Variants in SRRM3 observed in about 807,000 individuals in gnomAD.
SRRM3 encodes serine/arginine repetitive matrix 3.
A neutral mutation model predicts 66.2 loss-of-function variants in SRRM3; 27 were observed. The observed-to-expected ratio is 0.41, with a 90% CI of 0.30 to 0.56. The LOEUF is 0.56. Among genes scored for constraint, SRRM3 ranks in the 20% least tolerant of loss-of-function variants. SRRM3 has a pLI of 0.32. For synonymous variants in SRRM3, 391 were observed against 414.9 expected (o/e 0.94, Z 0.70); for missense variants, 918 against 991.9 (o/e 0.93, Z 1.00).
rs781972936 is a variant in SRRM3 at position 76,259,937 on chromosome 7, G to T, written c.367G>T (p.Ala123Ser). The T allele has an allele frequency of 1.9e-6, 3 of 1,601,830 alleles. No individual in the cohort carries two copies. The highest frequency in any genetic ancestry group is 2.5e-6 in the Non-Finnish European group (3 of 1,179,508). ...GGAGACCCCGCGGCTGACCGAGGGC[G>T]CTGAGCCGGGCCTGGAGTACGCGCC... ...VAETPRLTEG[A>S]EPGLEYAPFD... is the part of the protein sequence containing the mutation. Residue 123 changes from alanine (A) to serine (S), a missense_variant, in exon 4 of 15, where the codon GCT becomes TCT. By Grantham distance (99) the Ala-to-Ser change is moderately conservative (BLOSUM62 1). Transcript: ENST00000611745.
intron 11 of SRRM3, among the ~76,000 whole-genome samples, chr7:76,276,915 G>A (rs1460200302): frequency 6.6e-6 from 1 of 152,184 alleles, no homozygotes; most frequent in African/African-American, 2.4e-5. Flanking sequence ...ACTCTGAAAA[G>A]TCTCCCAACC....
chr7:76,244,040 C>T (rs1801375651), intron 2 of SRRM3, among the ~76,000 whole-genome samples: 1 of 152,114 alleles, frequency 6.6e-6, no homozygotes, highest in Non-Finnish European at 1.5e-5. Context: ...GAGCCAGGGC[C>T]CTGAACTTGG....
intron 1 of SRRM3, among the ~76,000 whole-genome samples, chr7:76,212,772 G>T (rs1412863118): frequency 6.6e-6 from 1 of 151,770 alleles, no homozygotes; most frequent in Non-Finnish European, 1.5e-5. Flanking sequence ...CCTGGCCAAG[G>T]TCTGCATTTT....
At chr7:76,253,529 G>A (rs973213059) in intron 3 of SRRM3, among the ~76,000 whole-genome samples, 4 of 151,784 alleles carry the variant, frequency 2.6e-5, no homozygotes. Flanking sequence ...GCTGAGGCAG[G>A]AGAATGGCGT....
intron 1 of SRRM3, among the ~76,000 whole-genome samples, chr7:76,229,741 CTTTTT>C (rs869140956): frequency 7.5e-6 from 1 of 133,102 alleles, no homozygotes; most frequent in Non-Finnish European, 1.6e-5. Context: ...TCTTCTTCTT[CTTTTT>C]TTTTTTTTTT....
intron 3 of SRRM3, among the ~76,000 whole-genome samples, chr7:76,259,189 A>G (rs1256113447): frequency 1.4e-5 from 2 of 146,214 alleles, no homozygotes; most frequent in African/African-American, 5.1e-5. Flanking sequence ...CAGGGATCAA[A>G]TGGGGGGTTC....
At chr7:76,275,880 G>C (rs555228434) in intron 11 of SRRM3, among the ~76,000 whole-genome samples, 39 of 152,154 alleles carry the variant, frequency 2.6e-4, no homozygotes, top group African/African-American at 8.4e-4. Context: ...TTTGAGACCA[G>C]CCTGAGCAAC....
intron 11 of SRRM3, among the ~76,000 whole-genome samples, chr7:76,279,311 C>T (rs1375514427): frequency 6.6e-6 from 1 of 151,902 alleles, no homozygotes; most frequent in Non-Finnish European, 1.5e-5. Flanking sequence ...CCAGGCACCA[C>T]CTGGCTTCTA....
At chr7:76,236,961 C>T (rs868937668) in intron 2 of SRRM3, among the ~76,000 whole-genome samples, 17 of 152,240 alleles carry the variant, frequency 1.1e-4, no homozygotes, top group African/African-American at 3.6e-4. Flanking sequence ...TGAATTAAAC[C>T]GGCAAATCCA....
At chr7:76,222,491 G>A (rs911598010) in intron 1 of SRRM3, among the ~76,000 whole-genome samples, 1 of 151,808 alleles carries the variant, frequency 6.6e-6, no homozygotes, top group Non-Finnish European at 1.5e-5. Context: ...ACCCTTCACT[G>A]GCTCCCTATT....
chr7:76,265,057 TC>T lies in SRRM3; in HGVS notation c.725+244del, dbSNP rs1801974578. On this transcript the variant is annotated intron_variant, in intron 9 of 14. Coordinates refer to ENST00000611745, the MANE Select transcript of SRRM3 (RefSeq NM_001110199.3). ...CAGTCCTCGTGACTCCCACCCTCCT[TC>T]CTCCCACCCCACAAGTCCCAGGATC... 2.6e-5 allele frequency among the ~76,000 whole-genome samples: 4 copies of T among 152,012 alleles called. No individual in the cohort carries two copies. The South Asian group carries it at 8.3e-4, about 32-fold the overall frequency.
At position 76,235,035 on chromosome 7, in the gene SRRM3, G is replaced by A; in HGVS notation, c.-32G>A. On this transcript the variant is annotated 5_prime_UTR_variant, in exon 2 of 15. Coordinates refer to ENST00000611745, the MANE Select transcript of SRRM3 (RefSeq NM_001110199.3). ...TCTGTGTCTGTCCCTCAGGGCCAGC[G>A]GCCCAGGCCAGCGGCTCCAGGGCCA... is the stretch of plus-strand genomic sequence containing the variant. 2 of 1,520,406 alleles carry A rather than the reference G, an allele frequency of 1.3e-6. No homozygotes were observed. The highest frequency in any genetic ancestry group is 1.8e-6 in the Non-Finnish European group (2 of 1,138,294). The allele number at this position is 1,520,406 out of a possible 1,614,324, so 94.2% of individuals were successfully genotyped here.
intron 1 of SRRM3, among the ~76,000 whole-genome samples, chr7:76,202,484 T>G (rs1800175290): frequency 6.6e-6 from 1 of 152,104 alleles, no homozygotes; most frequent in African/African-American, 2.4e-5. Context: ...GCTGGGCCTC[T>G]GTCCAGCAGG....
chr7:76,239,713 A>C (rs1311694779), intron 2 of SRRM3, among the ~76,000 whole-genome samples: 4 of 152,118 alleles, frequency 2.6e-5, no homozygotes, highest in African/African-American at 9.7e-5. Flanking sequence ...AAAACAAAAA[A>C]CAAAAACAAA....
intron 1 of SRRM3, among the ~76,000 whole-genome samples, chr7:76,228,173 A>G (rs1554603900): frequency 6.6e-6 from 1 of 152,138 alleles, no homozygotes; most frequent in Non-Finnish European, 1.5e-5. Flanking sequence ...CCTGGGCAGA[A>G]CTGCTTCATT....
chr7:76,211,273 G>T (rs782710670), intron 1 of SRRM3, among the ~76,000 whole-genome samples: 6 of 152,202 alleles, frequency 3.9e-5, no homozygotes, highest in Admixed American at 6.5e-5. Context: ...GCCAGGCAGA[G>T]GCACAAGGAG....
chr7:76,211,760 C>T (rs1035430042), intron 1 of SRRM3, among the ~76,000 whole-genome samples: 12 of 151,698 alleles, frequency 7.9e-5, no homozygotes, highest in African/African-American at 2.2e-4. Context: ...CCACCCAAAA[C>T]GACTGATTCC....
chr7:76,283,366 G>C (rs1371560324), intron 14 of SRRM3, among the ~76,000 whole-genome samples: 4 of 152,070 alleles, frequency 2.6e-5, no homozygotes, highest in African/African-American at 9.7e-5. Flanking sequence ...GGGCCTGAGG[G>C]CCCATGAAGG....
At chr7:76,253,811 G>C (rs1554607293) in intron 3 of SRRM3, among the ~76,000 whole-genome samples, 2 of 135,268 alleles carry the variant, frequency 1.5e-5, no homozygotes, top group Non-Finnish European at 3.1e-5. Context: ...AAAAAAAAAA[G>C]GACATTGTTC....
Sources: gnomAD v4.1 joint callset for allele counts (sites outside exome capture counted in the v4.1 genomes callset) on GRCh38, gnomAD v4.1.1 for gene constraint, MANE v1.5 for transcripts, NCBI Gene and HGNC (gene_info 2026-07-23, HGNC 2026-07-21) for gene names.